PTPRG: variants seen among roughly 807,000 people sequenced by gnomAD.
The protein encoded by PTPRG is receptor-type tyrosine-protein phosphatase gamma.
A neutral mutation model predicts 165.3 loss-of-function variants in PTPRG; 102 were observed. That is an observed-to-expected ratio of 0.62 (90% CI 0.53 to 0.73). The LOEUF (loss-of-function observed/expected upper bound fraction) is 0.73. Among genes scored for constraint, PTPRG ranks in the 30% least tolerant of loss-of-function variants. The pLI, the probability that PTPRG is intolerant of heterozygous loss-of-function variation, is 0.00. For missense variants in PTPRG, 1,866 were observed against 1,861.4 expected (o/e 1.00, Z -0.05); for synonymous variants, 675 against 669.5 (o/e 1.01, Z -0.13).
chr3:62,265,190 C>A (rs988287708), intron 17 of PTPRG, among the ~76,000 whole-genome samples: 2 of 152,106 alleles, frequency 1.3e-5, no homozygotes, highest in African/African-American at 4.8e-5. Flanking sequence ...GGATACAGAT[C>A]ATTTATTGAA....
At position 62,271,342 on chromosome 3, in the gene PTPRG, AC is replaced by A. The variant is rs536336000; in HGVS notation, c.3010-34del. 2.2e-5 allele frequency: 34 copies of A among 1,512,998 alleles called. No homozygotes were observed. The highest frequency in any genetic ancestry group is 6.3e-5 in the South Asian group (5 of 79,288). 93.7% of individuals were successfully genotyped at this position (1,512,998 alleles called of 1,614,324 possible). A position where few individuals can be genotyped will look rare whatever the true frequency, so the allele number is the denominator to read the frequency against. On this transcript the variant is annotated intron_variant, in intron 20 of 29. Coordinates refer to ENST00000474889, the MANE Select transcript of PTPRG (RefSeq NM_002841.4). This position sits in a 1 kb window ranked among gnomAD's most constrained non-coding sequence, Gnocchi z 4.1. ...TACATTATTTTTTTCCAGAATGTCC[AC>A]CCCCCCGCTTAAAGACATCTTTTTT... is the stretch of plus-strand genomic sequence containing the variant.
At chr3:61,991,722 C>T (rs1239251351) in intron 3 of PTPRG, among the ~76,000 whole-genome samples, 9 of 152,214 alleles carry the variant, frequency 5.9e-5, no homozygotes, top group African/African-American at 1.9e-4. Flanking sequence ...CTGAGTACCA[C>T]CTCAGCACCA....
intron 1 of PTPRG, among the ~76,000 whole-genome samples, chr3:61,630,986 G>A (rs1701758709): frequency 6.6e-6 from 1 of 152,050 alleles, no homozygotes; most frequent in African/African-American, 2.4e-5. Flanking sequence ...AACCCGGGAG[G>A]TGGAGGTTAC....
At chr3:61,878,933 A>G (rs987253962) in intron 2 of PTPRG, among the ~76,000 whole-genome samples, 6 of 152,234 alleles carry the variant, frequency 3.9e-5, no homozygotes, top group African/African-American at 1.4e-4. Flanking sequence ...GTCTTATTTT[A>G]TAAGATCACT....
At chr3:61,720,336 C>T (rs1284397090) in intron 1 of PTPRG, among the ~76,000 whole-genome samples, 1 of 152,122 alleles carries the variant, frequency 6.6e-6, no homozygotes, top group African/African-American at 2.4e-5. Context: ...GTTGACCAGT[C>T]TGCTTTTGAA....
chr3:62,115,440 C>G (rs957285001), intron 5 of PTPRG, among the ~76,000 whole-genome samples: 1 of 152,062 alleles, frequency 6.6e-6, no homozygotes, highest in Admixed American at 6.6e-5. Flanking sequence ...AGGTAGGTTA[C>G]CACTCGATGA....
intron 2 of PTPRG, among the ~76,000 whole-genome samples, chr3:61,798,672 T>C (rs901119003): frequency 1.3e-5 from 2 of 151,526 alleles, no homozygotes; most frequent in African/African-American, 4.9e-5. Flanking sequence ...CTTTTCACTT[T>C]TACCTTTGGA....
At chr3:61,683,008 C>T (rs930918257) in intron 1 of PTPRG, among the ~76,000 whole-genome samples, 1 of 152,112 alleles carries the variant, frequency 6.6e-6, no homozygotes, top group African/African-American at 2.4e-5. Flanking sequence ...TAATTTTCCA[C>T]GTGGTATGAA....
At chr3:62,086,001 A>G (rs1341297258) in intron 5 of PTPRG, among the ~76,000 whole-genome samples, 13 of 152,206 alleles carry the variant, frequency 8.5e-5, no homozygotes, top group Admixed American at 8.5e-4. Context: ...TAAAATCTCA[A>G]GAGAATAATG....
At chr3:61,673,940 A>G (rs1559551359) in intron 1 of PTPRG, among the ~76,000 whole-genome samples, 1 of 152,096 alleles carries the variant, frequency 6.6e-6, no homozygotes, top group African/African-American at 2.4e-5. Context: ...CAGGAACAGA[A>G]AACCAAACAC....
Position 62,190,172 on chromosome 3 carries a change from C to A in PTPRG, c.1034-1297C>A, listed in dbSNP as rs1322697655. 2.0e-5 allele frequency among the ~76,000 whole-genome samples: 3 copies of A among 152,148 alleles called. No individual in the cohort carries two copies. The highest frequency in any genetic ancestry group is 4.4e-5 in the Non-Finnish European group (3 of 68,046). ...GAAGGTGATTGGCCCCTGCAAGCAA[C>A]CTTTGGCAACACCTGGAGACATTTT... On this transcript the variant is annotated intron_variant, in intron 8 of 29. Coordinates refer to ENST00000474889, the MANE Select transcript of PTPRG (RefSeq NM_002841.4). This position sits in a 1 kb window ranked among gnomAD's most constrained non-coding sequence, Gnocchi z 5.2.
At chr3:61,879,174 T>C (rs2107465226) in intron 2 of PTPRG, among the ~76,000 whole-genome samples, 1 of 152,348 alleles carries the variant, frequency 6.6e-6, no homozygotes, top group African/African-American at 2.4e-5. Context: ...TGCAGGACTA[T>C]AATGCTGTTC....
chr3:62,249,414 G>A (rs544838949), intron 15 of PTPRG, among the ~76,000 whole-genome samples: 8 of 152,206 alleles, frequency 5.3e-5, no homozygotes, highest in African/African-American at 1.9e-4. Flanking sequence ...AGGGAAGGGG[G>A]TGGGTAAGGT....
chr3:61,663,873 G>A (rs1440344938), intron 1 of PTPRG, among the ~76,000 whole-genome samples: 1 of 152,152 alleles, frequency 6.6e-6, no homozygotes, highest in Non-Finnish European at 1.5e-5. Context: ...GCAGAGCTCA[G>A]GCAGTAATGC....
chr3:62,010,247 T>C (rs372143335), intron 4 of PTPRG, among the ~76,000 whole-genome samples: 8 of 152,254 alleles, frequency 5.3e-5, no homozygotes, highest in African/African-American at 1.7e-4. Flanking sequence ...TGAAATACTT[T>C]CTTGAAGATT....
At chr3:61,803,419 A>G (rs556622607) in intron 2 of PTPRG, among the ~76,000 whole-genome samples, 1 of 124,842 alleles carries the variant, frequency 8.0e-6, no homozygotes, top group East Asian at 2.7e-4. Context: ...TTACTAAGGG[A>G]CATTGCAATT....
chr3:61,925,751 A>AC (rs1284373521), intron 2 of PTPRG: 21 of 377,780 alleles, frequency 5.6e-5, no homozygotes, highest in Non-Finnish European at 1.0e-4. Flanking sequence ...TTTAAAAAAA[A>AC]AAAAAATCAT....
At chr3:61,818,896 GA>G (rs1473388900) in intron 2 of PTPRG, among the ~76,000 whole-genome samples, 3 of 100,620 alleles carry the variant, frequency 3.0e-5, no homozygotes, top group South Asian at 3.7e-4. Context: ...AGTGAATAGT[GA>G]AATAGTGAAA....
At chr3:61,941,476 AG>A (rs969276874) in intron 2 of PTPRG, among the ~76,000 whole-genome samples, 5 of 152,124 alleles carry the variant, frequency 3.3e-5, no homozygotes, top group African/African-American at 9.7e-5. Context: ...ACAAAAAATT[AG>A]CCGGGCATGG....
Sources: allele counts gnomAD v4.1 joint callset (sites outside exome capture counted in the v4.1 genomes callset), GRCh38; gene constraint gnomAD v4.1.1; non-coding constraint Gnocchi (gnomAD v3.1); transcripts MANE v1.5; gene names NCBI Gene and HGNC (gene_info 2026-07-23, HGNC 2026-07-21).